The following CCDC7 variants were observed in gnomAD, a reference collection of about 807,000 sequenced individuals.
The protein encoded by CCDC7 is coiled-coil domain-containing protein 7.
Under a neutral mutation model 196.9 loss-of-function variants are expected in CCDC7, and 183 were observed. The ratio of observed to expected loss-of-function variants is 0.93; its 90% CI spans 0.82 to 1.05. CCDC7 has a LOEUF of 1.05. Among genes scored for constraint, CCDC7 ranks in the 50% least tolerant of loss-of-function variants. CCDC7 has a pLI of 0.00. For synonymous variants in CCDC7, 525 were observed against 484.6 expected (o/e 1.08, Z -1.10); for missense variants, 1,540 against 1,482.2 (o/e 1.04, Z -0.64).
chr10:32,562,306 C>G (rs1208861329), intron 13 of CCDC7, among the ~76,000 whole-genome samples: 1 of 152,168 alleles, frequency 6.6e-6, no homozygotes, highest in Non-Finnish European at 1.5e-5. Context: ...TTTTATGAGG[C>G]CAGCATCATC....
At chr10:32,509,317 C>T (rs1439391199) in intron 9 of CCDC7, among the ~76,000 whole-genome samples, 1 of 152,024 alleles carries the variant, frequency 6.6e-6, no homozygotes, top group African/African-American at 2.4e-5. Flanking sequence ...AGGATAGTAT[C>T]TCCAACAAAT....
intron 28 of CCDC7, among the ~76,000 whole-genome samples, chr10:32,745,562 T>C (rs1248244396): frequency 1.3e-5 from 2 of 152,132 alleles, no homozygotes; most frequent in Non-Finnish European, 1.5e-5. Flanking sequence ...ATTATTACTA[T>C]GAGGGCAGCA....
chr10:32,773,427 AT>A (rs908852624), intron 28 of CCDC7, among the ~76,000 whole-genome samples: 2 of 150,684 alleles, frequency 1.3e-5, no homozygotes, highest in African/African-American at 2.4e-5. Context: ...GAGTTCACTG[AT>A]TTTTTTTCCT....
chr10:32,734,001 A>T (rs1324730380), intron 28 of CCDC7, among the ~76,000 whole-genome samples: 1 of 152,230 alleles, frequency 6.6e-6, no homozygotes, highest in Non-Finnish European at 1.5e-5. Flanking sequence ...TCGTTCAACC[A>T]TTATGGAAAA....
chr10:32,650,590 T>C (rs1391996448), intron 20 of CCDC7, among the ~76,000 whole-genome samples: 1 of 152,166 alleles, frequency 6.6e-6, no homozygotes, highest in East Asian at 1.9e-4. Context: ...ATCAACCTTG[T>C]GCAGGGAGGC....
chr10:32,759,497 G>C (rs2077064868), intron 28 of CCDC7, among the ~76,000 whole-genome samples: 1 of 152,102 alleles, frequency 6.6e-6, no homozygotes. Context: ...ATGGGGAAAG[G>C]ATTCCCTATT....
rs117974700 is a variant in CCDC7 at position 32,598,762 on chromosome 10, A to G, written c.1801+14458A>G. Among the ~76,000 whole-genome samples, 176 of 152,342 alleles carry G rather than the reference A, an allele frequency of 1.2e-3. 1 individual carries two copies. Among genetic ancestry groups the G allele is most frequent in the Non-Finnish European group, 2.1e-3 (145 of 68,034 alleles). ...CTAATTTCTAGTTTTTAAAAATTAT[A>G]TTAGAAAAGATACTTCATATTCATT... is the stretch of plus-strand genomic sequence containing the variant. On this transcript the variant is annotated intron_variant, in intron 18 of 41. Transcript: ENST00000639629.
intron 18 of CCDC7, among the ~76,000 whole-genome samples, chr10:32,613,185 C>T (rs2062381091): frequency 6.6e-6 from 1 of 151,928 alleles, no homozygotes; most frequent in Admixed American, 6.6e-5. Context: ...TCCATTTATT[C>T]TAGATTTTCT....
At chr10:32,879,914 A>G (rs2094727922), downstream of CCDC7, among the ~76,000 whole-genome samples, 1 of 152,000 alleles carries the variant, frequency 6.6e-6, no homozygotes, top group African/African-American at 2.4e-5. Context: ...ATAGTATTCC[A>G]TGGTGTATAT....
intron 31 of CCDC7, among the ~76,000 whole-genome samples, chr10:32,818,988 A>G (rs1237595782): frequency 6.6e-6 from 1 of 152,192 alleles, no homozygotes; most frequent in Non-Finnish European, 1.5e-5. Flanking sequence ...GGAAATAGAG[A>G]CATAAATAAC....
intron 24 of CCDC7, among the ~76,000 whole-genome samples, chr10:32,700,669 G>A (rs779501475): frequency 1.3e-5 from 2 of 152,112 alleles, no homozygotes; most frequent in Admixed American, 1.3e-4. Flanking sequence ...TCACGATATT[G>A]ATTCTTCCTA....
chr10:32,497,798 G>A (rs1248374049), intron 9 of CCDC7, among the ~76,000 whole-genome samples: 2 of 152,166 alleles, frequency 1.3e-5, no homozygotes, highest in African/African-American at 2.4e-5. Context: ...TTGCTGAGGA[G>A]TATTTTACTT....
chr10:32,755,818 G>A (rs1480313963), intron 28 of CCDC7, among the ~76,000 whole-genome samples: 1 of 152,110 alleles, frequency 6.6e-6, no homozygotes, highest in Admixed American at 6.6e-5. Context: ...CCGAGTCAAA[G>A]GAGGATATTC....
chr10:32,866,455 G>A (rs956181649), intron 41 of CCDC7, among the ~76,000 whole-genome samples: 1 of 151,494 alleles, frequency 6.6e-6, no homozygotes, highest in Non-Finnish European at 1.5e-5. Flanking sequence ...TTTTTTTAAT[G>A]TGAACAATTT....
chr10:32,518,944 G>A (rs1213472075), intron 11 of CCDC7, among the ~76,000 whole-genome samples: 1 of 152,056 alleles, frequency 6.6e-6, no homozygotes, highest in African/African-American at 2.4e-5. Flanking sequence ...TTGTTAGAGA[G>A]CTTACAAATT....
intron 29 of CCDC7, among the ~76,000 whole-genome samples, chr10:32,788,616 G>C (rs2082221670): frequency 6.6e-6 from 1 of 152,066 alleles, no homozygotes; most frequent in African/African-American, 2.4e-5. Flanking sequence ...AGCACCCATG[G>C]ACCCAGCCTC....
intron 8 of CCDC7, among the ~76,000 whole-genome samples, chr10:32,488,285 A>ATGCGCGGGATATAATCTCCT (rs1223184105): frequency 6.6e-6 from 1 of 152,226 alleles, no homozygotes; most frequent in Non-Finnish European, 1.5e-5. Context: ...CCTCCAAGCC[A>ATGCGCGGGATATAATCTCCT]GGCGCGGGAT....
Position 32,873,893 on chromosome 10 carries a change from A to G in CCDC7, c.4112-2454A>G, listed in dbSNP as rs187762717. 3.6e-4 allele frequency among the ~76,000 whole-genome samples: 54 copies of G among 151,764 alleles called. No individual in the cohort carries two copies. In the East Asian group the frequency reaches 0.01, roughly 28 times the overall value. ...ATCTATGTCCTTGCCATCATTTGTT[A>G]TTGTCTGTCTGTCTTATGATAGTCA... is the stretch of plus-strand genomic sequence containing the variant. On this transcript the variant is annotated intron_variant, in intron 41 of 41. Coordinates refer to ENST00000639629, the Ensembl canonical transcript of CCDC7.
chr10:32,607,164 G>A (rs1445934434), intron 18 of CCDC7, among the ~76,000 whole-genome samples: 4 of 152,126 alleles, frequency 2.6e-5, no homozygotes, highest in Non-Finnish European at 5.9e-5. Context: ...GGGAGACACT[G>A]GCTCCCCCTT....
Sources: gnomAD v4.1 joint callset for allele counts (sites outside exome capture counted in the v4.1 genomes callset) on GRCh38, gnomAD v4.1.1 for gene constraint, MANE v1.5 for transcripts, NCBI Gene and HGNC (gene_info 2026-07-23, HGNC 2026-07-21) for gene names.